EML2: variants seen among roughly 807,000 people sequenced by gnomAD.
EML2 encodes echinoderm microtubule-associated protein-like 2.
Under a neutral mutation model 84.7 loss-of-function variants are expected in EML2, and 59 were observed. The ratio of observed to expected loss-of-function variants is 0.70; its 90% CI spans 0.56 to 0.86. The LOEUF is 0.86. Among genes scored for constraint, EML2 ranks in the 40% least tolerant of loss-of-function variants. The pLI is 0.00. For synonymous variants in EML2, 352 were observed against 348.9 expected, an observed-to-expected ratio of 1.01 and a Z score of -0.10; for missense variants, 818 against 855.6, an observed-to-expected ratio of 0.96 and a Z score of 0.55.
In EML2 at chr19:45,621,566, C is replaced by A; in HGVS notation, c.913G>T (p.Asp305Tyr). 2 of 1,612,710 alleles carry A rather than the reference C, an allele frequency of 1.2e-6. No homozygotes were observed. The highest frequency in any genetic ancestry group is 1.7e-6 in the Non-Finnish European group (2 of 1,179,958). ...CCCCCTCCAGACACCAGCGTCCCGT[C>A]CCGCAGGGCGCAGAGCCCAAACACG... ...GGVFGLCALR[D>Y]GTLVSGGGRD... The change falls in exon 10 of 19, where the codon GAC (aspartate) becomes TAC (tyrosine). Residue 305 changes from aspartate (D) to tyrosine (Y), a missense_variant. Transcript: ENST00000245925.
chr19:45,640,202 C>T (rs891461721), upstream of EML2: 7 of 152,182 alleles, frequency 4.6e-5, no homozygotes, highest in Non-Finnish European at 1.0e-4. Flanking sequence ...ACCATAACTC[C>T]AGCCTTAGGG....
upstream of EML2, chr19:45,642,403 C>T (rs35384424): frequency 0.045 from 67,476 of 1,508,146 alleles, 1,802 homozygotes; most frequent in South Asian, 0.078. Flanking sequence ...GCTCCAGTGC[C>T]CAAGGGGTCC....
At chr19:45,645,375 C>T, upstream of EML2, 1 of 1,520,154 alleles carries the variant, frequency 6.6e-7, no homozygotes, top group African/African-American at 1.4e-5. Context: ...CCCCCGGTCC[C>T]AGCCCGGGCC....
intron 7 of EML2, 124 bp from the exon 8 acceptor site, chr19:45,626,963 T>TTC: frequency 1.3e-6 from 1 of 759,142 alleles, no homozygotes; most frequent in South Asian, 3.4e-5. Context: ...AACTTTTCTT[T>TTC]TTTTTTTTTT....
intron 7 of EML2, among the ~76,000 whole-genome samples, chr19:45,628,419 G>A (rs1195081004): frequency 6.6e-6 from 1 of 151,856 alleles, no homozygotes; most frequent in Non-Finnish European, 1.5e-5. Flanking sequence ...TTTGCCTAAG[G>A]CCACACAGCT....
chr19:45,614,574 T>C (rs747549620), intron 17 of EML2, 31 bp downstream of exon 17: 2 of 1,585,116 alleles, frequency 1.3e-6, no homozygotes, highest in African/African-American at 1.3e-5. Flanking sequence ...ACTACTGTCC[T>C]CAGTGAGACC....
chr19:45,641,545 C>T (rs1974500588), upstream of EML2: 4 of 1,267,308 alleles, frequency 3.2e-6, no homozygotes, highest in Admixed American at 2.1e-5. Flanking sequence ...GCTGGCCCCA[C>T]TCTAGGTTAC....
At chr19:45,643,641 G>A, upstream of EML2, 2 of 1,536,120 alleles carry the variant, frequency 1.3e-6, no homozygotes, top group East Asian at 2.4e-5. Context: ...AAGTAAAGGT[G>A]GTAGCTTAGA....
At position 45,626,800 on chromosome 19, in the gene EML2, T is replaced by C. The variant is rs745632363; in HGVS notation, c.646A>G (p.Thr216Ala). The C allele has an allele frequency of 6.8e-6, 11 of 1,613,280 alleles. No individual in the cohort carries two copies. The highest frequency in any genetic ancestry group is 9.3e-6 in the Non-Finnish European group (11 of 1,179,790). Reference protein sequence around the residue: ...EAVLVATFHPTDPTVLITCGK... With the variant: ...EAVLVATFHPADPTVLITCGK... The stretch of plus-strand genomic sequence containing the variant: ...CAGGTGATAAGCACAGTGGGGTCCG[T>C]GGGGTGGAAGGTGGCCACCAATACA... Residue 216 changes from threonine (T) to alanine (A), a missense_variant, in exon 8 of 19, where the codon ACG becomes GCG. Physicochemically the swap from Thr to Ala is moderately conservative, Grantham distance 58. Coordinates refer to ENST00000245925, the MANE Select transcript of EML2 (RefSeq NM_012155.4).
At chr19:45,612,869 T>C (rs1394333591) in intron 18 of EML2, among the ~76,000 whole-genome samples, 1 of 149,742 alleles carries the variant, frequency 6.7e-6, no homozygotes, top group Non-Finnish European at 1.5e-5. Context: ...AACCAGAGAA[T>C]GGTAAAATTA....
At chr19:45,634,521 T>A in intron 3 of EML2, 50 bp from the exon 4 acceptor site, 2 of 1,312,288 alleles carry the variant, frequency 1.5e-6, no homozygotes, top group South Asian at 2.3e-5. Context: ...TGTTGTTGTT[T>A]GTTTGTTTTG....
chr19:45,610,081 A>G (rs924925693), intron 18 of EML2, among the ~76,000 whole-genome samples: 1 of 152,180 alleles, frequency 6.6e-6, no homozygotes. Context: ...CAGTGTTACC[A>G]GGGCTAATAA....
chr19:45,633,992 C>T (rs1287185518), intron 4 of EML2, among the ~76,000 whole-genome samples: 1 of 152,138 alleles, frequency 6.6e-6, no homozygotes, highest in African/African-American at 2.4e-5. Context: ...GCTCTTTCAC[C>T]CAGGCTGGAG....
At position 45,624,768 on chromosome 19, in the gene EML2, G is replaced by A. The variant is rs756588068; in HGVS notation, c.792C>T (p.Gly264=). The change falls in exon 9 of 19, where the codon GGC becomes GGT. Residue 264 remains glycine (G), a synonymous_variant. Coordinates refer to ENST00000245925, the MANE Select transcript of EML2 (RefSeq NM_012155.4). ...CCCCAGAGTCCCCCGTGACCACGTC[G>A]CCACCTTCCAAAAAGGTCACACACA... ...YVLCVTFLEG[G]DVVTGDSGGN... 2 of 1,613,754 alleles carry A rather than the reference G, an allele frequency of 1.2e-6. No homozygotes were observed. The highest frequency in any genetic ancestry group is 1.7e-6 in the Non-Finnish European group (2 of 1,179,898).
chr19:45,634,548 T>G, intron 3 of EML2, 77 bp from the exon 4 acceptor site: 1 of 1,132,572 alleles, frequency 8.8e-7, no homozygotes, highest in Non-Finnish European at 1.1e-6. Context: ...TTTATTTATT[T>G]ATTTTTAATT....
chr19:45,632,519 A>C, intron 6 of EML2: 1 of 222,038 alleles, frequency 4.5e-6, no homozygotes, highest in East Asian at 1.2e-4. Flanking sequence ...ACAATCACAC[A>C]CTTGGATGTT....
chr19:45,613,655 C>A lies in EML2; in HGVS notation c.1710G>T (p.Gly570=). The part of the protein sequence containing the change: ...GFGVFGIWSE[G]ADGTDINAVA... The stretch of plus-strand genomic sequence containing the variant: ...CAGCGTTGATATCAGTGCCGTCCGC[C>A]CCCTCAGACCAGATCCCTGTGGGCA... Residue 570 remains glycine, a synonymous_variant, in exon 18 of 19, where the codon GGG becomes GGT. Coordinates refer to ENST00000245925, the MANE Select transcript of EML2 (RefSeq NM_012155.4). 1 of 1,613,792 alleles carries A rather than the reference C, an allele frequency of 6.2e-7. No homozygotes were observed. The highest frequency in any genetic ancestry group is 1.1e-5 in the South Asian group (1 of 91,072).
Position 45,638,892 on chromosome 19 carries a change from GA to G in EML2, c.21-20del, listed in dbSNP as rs748323058. 8.2e-6 allele frequency: 13 copies of G among 1,594,526 alleles called. No individual in the cohort carries two copies. Among genetic ancestry groups the G allele is most frequent in the Admixed American group, 5.2e-5 (3 of 57,434 alleles). On this transcript the variant is annotated intron_variant, in intron 1 of 18. Coordinates refer to ENST00000245925, the MANE Select transcript of EML2 (RefSeq NM_012155.4). ...GGTTTTGCTGTCAGGAAAGGACAAA[GA>G]AAAAAAAAGGGTCTTAGTATTCAGT...
In EML2 at chr19:45,621,495, C is replaced by T; in HGVS notation, c.984G>A (p.Leu328=). ...TGCCCCTCCTCACCTCCACTTCCTG[C>T]AGCTTGCTGTAGTCAGAACCCCAGA... ...VVLWGSDYSK[L]QEVEVPEDFG... is the part of the protein sequence containing the mutation. Residue 328 remains leucine, a synonymous_variant, in exon 10 of 19, where the codon CTG becomes CTA. Coordinates refer to ENST00000245925, the MANE Select transcript of EML2 (RefSeq NM_012155.4). 1 of 1,610,946 alleles carries T rather than the reference C, an allele frequency of 6.2e-7. No individual in the cohort carries two copies. The highest frequency in any genetic ancestry group is 8.5e-7 in the Non-Finnish European group (1 of 1,179,618).
Sources: allele counts gnomAD v4.1 joint callset (sites outside exome capture counted in the v4.1 genomes callset), GRCh38; gene constraint gnomAD v4.1.1; transcripts MANE v1.5; gene names NCBI Gene and HGNC (gene_info 2026-07-23, HGNC 2026-07-21).